MAPRE2: variants seen among roughly 807,000 people sequenced by gnomAD.
MAPRE2 encodes microtubule-associated protein RP/EB family member 2.
MAPRE2 carries 13 observed loss-of-function variants against 43.2 expected under a neutral mutation model. The ratio of observed to expected loss-of-function variants is 0.30; its 90% confidence interval spans 0.20 to 0.48. The LOEUF (loss-of-function observed/expected upper bound fraction) is 0.48. MAPRE2 is among the 20% of genes least tolerant of loss of function. The pLI is 0.99. For missense variants in MAPRE2, 161 were observed against 400.2 expected (o/e 0.40, Z 5.10); for synonymous variants, 135 against 148.8 (o/e 0.91, Z 0.68).
At chr18:35,096,463 C>T (rs1407121949) in intron 2 of MAPRE2, among the ~76,000 whole-genome samples, 1 of 152,166 alleles carries the variant, frequency 6.6e-6, no homozygotes, top group Non-Finnish European at 1.5e-5. Flanking sequence ...GCCAGAATTT[C>T]CCAGTTGTAG....
intron 2 of MAPRE2, among the ~76,000 whole-genome samples, chr18:35,096,763 A>G (rs1207790809): frequency 6.6e-6 from 1 of 151,966 alleles, no homozygotes. Context: ...AATAGGTAAT[A>G]AGTATAAGTA....
At chr18:35,041,891 G>A in intron 1 of MAPRE2, 3 of 1,007,656 alleles carry the variant, frequency 3.0e-6, no homozygotes, top group South Asian at 3.4e-5. Flanking sequence ...TGCCTTCGAG[G>A]GGTCTCCCTC....
intron 1 of MAPRE2, among the ~76,000 whole-genome samples, chr18:35,057,040 G>A (rs1906267146): frequency 6.6e-6 from 1 of 152,186 alleles, no homozygotes; most frequent in East Asian, 1.9e-4. Context: ...TTGAAACAGA[G>A]TTTCACTCTT....
chr18:35,126,858 G>T, intron 4 of MAPRE2, 90 bp from the exon 5 acceptor site: 1 of 1,131,872 alleles, frequency 8.8e-7, no homozygotes, highest in Non-Finnish European at 1.3e-6. Flanking sequence ...ATATGTTGTT[G>T]TAAGCTCTTT....
chr18:35,067,851 C>A (rs1475737542), intron 1 of MAPRE2, among the ~76,000 whole-genome samples: 1 of 152,088 alleles, frequency 6.6e-6, no homozygotes, highest in East Asian at 1.9e-4. Context: ...AAATTGACTA[C>A]ATTTAAAAAG....
intron 2 of MAPRE2, among the ~76,000 whole-genome samples, chr18:35,009,619 C>T (rs1293330280): frequency 2.0e-5 from 3 of 152,142 alleles, no homozygotes; most frequent in Non-Finnish European, 4.4e-5. Context: ...GACCAACATT[C>T]CAATTAAAGT....
At chr18:35,138,695 G>A (rs1300395724) in intron 6 of MAPRE2, among the ~76,000 whole-genome samples, 1 of 152,088 alleles carries the variant, frequency 6.6e-6, no homozygotes, top group Non-Finnish European at 1.5e-5. Flanking sequence ...ATTGACTAAT[G>A]AAAATGCATT....
chr18:35,022,294 CAA>C (rs2097042374), intron 2 of MAPRE2, among the ~76,000 whole-genome samples: 1 of 152,090 alleles, frequency 6.6e-6, no homozygotes. Flanking sequence ...GCAGGGATAT[CAA>C]AGCAATTTGT....
chr18:35,107,602 G>C (rs918276858), intron 4 of MAPRE2, among the ~76,000 whole-genome samples: 17 of 152,080 alleles, frequency 1.1e-4, no homozygotes, highest in African/African-American at 3.6e-4. Flanking sequence ...TCCTTGTTCT[G>C]ATCTTGGCTT....
chr18:35,091,628 C>T (rs936642415), intron 2 of MAPRE2, among the ~76,000 whole-genome samples: 10 of 152,024 alleles, frequency 6.6e-5, no homozygotes, highest in Non-Finnish European at 4.4e-5. Flanking sequence ...ACAAAAAGAA[C>T]AATGCTGGAG....
At chr18:35,071,385 A>C (rs1459786303) in intron 2 of MAPRE2, among the ~76,000 whole-genome samples, 1 of 152,160 alleles carries the variant, frequency 6.6e-6, no homozygotes, top group African/African-American at 2.4e-5. Context: ...TGTCTCTAAA[A>C]CAAAACAAAA....
chr18:35,047,716 T>TAA (rs34691999), intron 1 of MAPRE2, among the ~76,000 whole-genome samples: 49,271 of 142,928 alleles, frequency 0.34, 9,419 homozygotes, highest in Non-Finnish European at 0.44. Context: ...GTAGGTTACT[T>TAA]AAAAAAAAAA....
intron 1 of MAPRE2, among the ~76,000 whole-genome samples, chr18:35,054,237 G>A (rs1277032396): frequency 6.6e-6 from 1 of 152,144 alleles, no homozygotes; most frequent in East Asian, 1.9e-4. Flanking sequence ...TGCCTAAAAG[G>A]ATCGACTGAG....
At chr18:35,022,749 T>C (rs1468898481) in intron 2 of MAPRE2, among the ~76,000 whole-genome samples, 1 of 152,190 alleles carries the variant, frequency 6.6e-6, no homozygotes, top group Admixed American at 6.5e-5. Flanking sequence ...ATGTAGATGC[T>C]AGTCATTTTT....
At chr18:35,118,214 C>T (rs963474605) in intron 4 of MAPRE2, among the ~76,000 whole-genome samples, 5 of 152,090 alleles carry the variant, frequency 3.3e-5, no homozygotes. Flanking sequence ...GCAGCCATGC[C>T]CTCGGCAGGC....
intron 1 of MAPRE2, among the ~76,000 whole-genome samples, chr18:35,000,813 C>A (rs1051609003): frequency 7.9e-5 from 12 of 152,114 alleles, no homozygotes; most frequent in Admixed American, 7.2e-4. Flanking sequence ...TTTCCAAACG[C>A]GAAGGGGGAT....
rs534406498 is a variant in MAPRE2, at chr18:35,114,645, A to G, written c.611-12303A>G. Among the ~76,000 whole-genome samples, 5 of 152,294 alleles carry G rather than the reference A, an allele frequency of 3.3e-5. 1 individual carries two copies. The South Asian group carries it at 1.0e-3, about 32-fold the overall frequency. On this transcript the variant is annotated intron_variant, in intron 4 of 6. Coordinates refer to ENST00000300249, the MANE Select transcript of MAPRE2 (RefSeq NM_014268.4). ...TGATTTGAAAGTGAAGGATAGATGC[A>G]ATTGGCATGTATTTGGGCACTCAGA...
intron 2 of MAPRE2, among the ~76,000 whole-genome samples, chr18:35,007,504 C>G (rs543532712): frequency 2.0e-5 from 3 of 152,238 alleles, no homozygotes; most frequent in Admixed American, 6.5e-5. Flanking sequence ...AACTGTTCAA[C>G]TCATTGTAGT....
intron 1 of MAPRE2, among the ~76,000 whole-genome samples, chr18:34,984,208 A>G (rs1056308982): frequency 6.6e-6 from 1 of 152,210 alleles, no homozygotes; most frequent in African/African-American, 2.4e-5. Flanking sequence ...TAATAACTAC[A>G]TTGATGGGAA....
Sources: allele counts gnomAD v4.1 joint callset (sites outside exome capture counted in the v4.1 genomes callset), GRCh38; gene constraint gnomAD v4.1.1; transcripts MANE v1.5; gene names NCBI Gene and HGNC (gene_info 2026-07-23, HGNC 2026-07-21).